The following PSMC1 variants were observed in gnomAD, a reference collection of about 807,000 sequenced individuals.
PSMC1 encodes proteasome 26S subunit, ATPase 1, also known as 26S proteasome regulatory subunit 4.
Under a neutral mutation model 49.8 loss-of-function variants are expected in PSMC1, and 5 were observed. That is an observed-to-expected ratio of 0.10 (90% CI 0.05 to 0.21). PSMC1 has a LOEUF of 0.21. Ranked by LOEUF, PSMC1 falls within the 10% of genes least tolerant of loss-of-function variation. The probability of loss-of-function intolerance (pLI) is 1.00; values close to 1 mark genes in which losing one functional copy is unlikely to be tolerated. For synonymous variants in PSMC1, 155 were observed against 192.1 expected (o/e 0.81, Z 1.60); for missense variants, 181 against 535.7 (o/e 0.34, Z 6.54).
At chr14:90,265,866 G>GAA (rs80221482) in intron 7 of PSMC1, among the ~76,000 whole-genome samples, 309 of 147,550 alleles carry the variant, frequency 2.1e-3, no homozygotes, top group African/African-American at 6.9e-3. Flanking sequence ...CTGAAAAAAA[G>GAA]AAAAAAAAAA....
intron 10 of PSMC1, chr14:90,271,916 TAG>T (rs1891678567): frequency 6.7e-6 from 1 of 148,524 alleles, no homozygotes; most frequent in South Asian, 2.1e-4. Context: ...TTTTTTGAGG[TAG>T]AGTTTCGCTC....
chr14:90,260,880 ACT>A (rs753919437), intron 3 of PSMC1, among the ~76,000 whole-genome samples: 1 of 152,204 alleles, frequency 6.6e-6, no homozygotes, highest in Non-Finnish European at 1.5e-5. Context: ...ACAGAGCAAG[ACT>A]CTGTCTCAAA....
intron 8 of PSMC1, chr14:90,269,142 A>T (rs1891595969): frequency 2.2e-6 from 1 of 448,760 alleles, no homozygotes; most frequent in Non-Finnish European, 4.0e-6. Context: ...TCATGCCTTT[A>T]GCCCTTTCCA....
At chr14:90,268,111 C>A in intron 7 of PSMC1, 113 bp from the exon 8 acceptor site, 1 of 803,188 alleles carries the variant, frequency 1.2e-6, no homozygotes, top group Non-Finnish European at 1.9e-6. Context: ...CATGCCTTAG[C>A]ATGAGGGCCC....
rs1891697435 is a variant in PSMC1, at chr14:90,272,549, T to G, written c.*142T>G. Reference sequence around the variant, plus strand: ...ATCCTGTGTCTTTTGGAGTACGATGTGTAAGTGCCCATTGGGTGGCCTGTT... The same window carrying G: ...ATCCTGTGTCTTTTGGAGTACGATGGGTAAGTGCCCATTGGGTGGCCTGTT... On this transcript the variant is annotated 3_prime_UTR_variant, in exon 11 of 11. Coordinates refer to ENST00000261303, the MANE Select transcript of PSMC1 (RefSeq NM_002802.3). The surrounding 1 kb of genome is among the most constrained non-coding windows in gnomAD (Gnocchi z 4.5). 1.7e-6 allele frequency: 1 copy of G among 595,660 alleles called. No homozygotes were observed. Among genetic ancestry groups the G allele is most frequent in the Non-Finnish European group, 3.0e-6 (1 of 333,450 alleles). The allele number at this position is 595,660 out of a possible 1,614,324, so 36.9% of individuals were successfully genotyped here. A position where few individuals can be genotyped will look rare whatever the true frequency, so the allele number is the denominator to read the frequency against.
chr14:90,260,210 G>A lies in PSMC1; in HGVS notation c.153G>A (p.Leu51=). 1 of 1,599,880 alleles carries A rather than the reference G, an allele frequency of 6.3e-7. No individual in the cohort carries two copies. The highest frequency in any genetic ancestry group is 8.6e-7 in the Non-Finnish European group (1 of 1,169,002). ...KGPDAASKLP[L]VTPHTQCRLK... is the part of the protein sequence containing the mutation. ...CAGATGCTGCCAGCAAACTGCCACT[G>A]GGTAATGACATGGCTTCTCCTTGCC... is the stretch of plus-strand genomic sequence containing the variant. Residue 51 remains leucine, a splice_region_variant and synonymous_variant, in exon 3 of 11, where the codon CTG becomes CTA. Transcript: ENST00000261303.
intron 6 of PSMC1, among the ~76,000 whole-genome samples, chr14:90,264,867 T>C (rs915923714): frequency 1.3e-5 from 2 of 152,192 alleles, no homozygotes; most frequent in African/African-American, 4.8e-5. Flanking sequence ...GTTAGGGAGA[T>C]GGAACGGGTG....
intron 2 of PSMC1, 60 bp downstream of exon 2, chr14:90,259,273 G>A (rs1013175675): frequency 7.2e-6 from 11 of 1,521,958 alleles, no homozygotes; most frequent in East Asian, 6.8e-5. Flanking sequence ...CATGGGTCTC[G>A]GCTGAGAAGT....
In PSMC1 at chr14:90,273,583, A is replaced by T. The variant is rs927631444; in HGVS notation, c.*1176A>T. 6.6e-6 allele frequency: 1 copy of T among 152,182 alleles called. No homozygotes were observed. Among genetic ancestry groups the T allele is most frequent in the African/African-American group, 2.4e-5 (1 of 41,420 alleles). The allele number at this position is 152,182 out of a possible 1,614,324, so 9.4% of individuals were successfully genotyped here. ...AAAAATAAATAAATAAATAAATAAA[A>T]ACCACAATTTTATCTCAGTTCTGTA... On this transcript the variant is annotated 3_prime_UTR_variant, in exon 11 of 11. Coordinates refer to ENST00000261303, the MANE Select transcript of PSMC1 (RefSeq NM_002802.3).
intron 1 of PSMC1, among the ~76,000 whole-genome samples, chr14:90,257,915 G>A (rs1290950366): frequency 6.6e-6 from 1 of 152,144 alleles, no homozygotes; most frequent in East Asian, 1.9e-4. Context: ...ACGGATTTCT[G>A]GGTAGTATTC....
intron 5 of PSMC1, 48 bp downstream of exon 5, chr14:90,263,895 C>G (rs1456463280): frequency 1.6e-5 from 25 of 1,608,326 alleles, no homozygotes; most frequent in Non-Finnish European, 2.1e-5. Context: ...GCTTTCTCTT[C>G]TCACTTAGGT....
chr14:90,273,590 A>G lies in PSMC1; in HGVS notation c.*1183A>G, dbSNP rs929648265. ...AATAAATAAATAAATAAAAACCACA[A>G]TTTTATCTCAGTTCTGTAGGTCAGA... On this transcript the variant is annotated 3_prime_UTR_variant, in exon 11 of 11. Transcript: ENST00000261303. 1.3e-5 allele frequency: 2 copies of G among 152,216 alleles called. No homozygotes were observed. The highest frequency in any genetic ancestry group is 2.9e-5 in the Non-Finnish European group (2 of 68,116). The allele number at this position is 152,216 out of a possible 1,614,324, so 9.4% of individuals were successfully genotyped here.
chr14:90,267,355 A>G (rs895539270), intron 7 of PSMC1: 1 of 152,028 alleles, frequency 6.6e-6, no homozygotes, highest in Non-Finnish European at 1.5e-5. Flanking sequence ...GGGTTTCTCC[A>G]TGTTGGTCAG....
chr14:90,269,378 C>CTT lies in PSMC1; in HGVS notation c.882-19_882-18insTT. On this transcript the variant is annotated intron_variant, in intron 8 of 10. Coordinates refer to ENST00000261303, the MANE Select transcript of PSMC1 (RefSeq NM_002802.3). ...CGATCAGTTGAGTCTTCATTCCTTC[C>CTT]CTTTTTTTTTTTCCAAAGATATGAC... is the stretch of plus-strand genomic sequence containing the variant. The CTT allele has an allele frequency of 1.3e-6, 2 of 1,553,336 alleles. No homozygotes were observed. The highest frequency in any genetic ancestry group is 2.4e-5 in the East Asian group (1 of 41,796).
In PSMC1 at chr14:90,274,786, C is replaced by CCACA. The variant is rs1566677946; in HGVS notation, c.*2379_*2380insCACA. On this transcript the variant is annotated 3_prime_UTR_variant, in exon 11 of 11. Coordinates refer to ENST00000261303, the MANE Select transcript of PSMC1 (RefSeq NM_002802.3). ...ACAGTATAGCCCTTTAAATAGGGAA[C>CCACA]TACACACACACACACACACACACAC... The CCACA allele has an allele frequency of 1.2e-5, 1 of 81,562 alleles. No homozygotes were observed. Among genetic ancestry groups the CCACA allele is most frequent in the African/African-American group, 4.9e-5 (1 of 20,208 alleles). 5.1% of individuals were successfully genotyped at this position (81,562 alleles called of 1,614,324 possible).
At chr14:90,263,641 C>T in intron 4 of PSMC1, 21 bp from the exon 5 acceptor site, 1 of 1,607,892 alleles carries the variant, frequency 6.2e-7, no homozygotes, top group Non-Finnish European at 8.5e-7. Flanking sequence ...TGCTTTTTTC[C>T]CTTGGCATTT....
At chr14:90,264,250 A>G (rs2139646113) in intron 6 of PSMC1, 81 bp downstream of exon 6, 1 of 1,562,046 alleles carries the variant, frequency 6.4e-7, no homozygotes, top group East Asian at 2.3e-5. Context: ...GGTGTTTTGT[A>G]TGTTTGCTTA....
At chr14:90,262,898 C>A (rs1414511918) in intron 3 of PSMC1, among the ~76,000 whole-genome samples, 3 of 152,018 alleles carry the variant, frequency 2.0e-5, no homozygotes, top group East Asian at 3.8e-4. Context: ...GGGTTAATAT[C>A]CCTGATATTT....
rs1363065947 is a variant in PSMC1 at position 90,275,343 on chromosome 14, T to C, written c.*2936T>C. On this transcript the variant is annotated 3_prime_UTR_variant, in exon 11 of 11. Transcript: ENST00000261303. ...GGGCGGGTAGCAGACTCTCAGCAAC[T>C]GACTCACACGGTTCAGGAAACAAAA... 6.6e-6 allele frequency: 1 copy of C among 152,188 alleles called. No homozygotes were observed. Among genetic ancestry groups the C allele is most frequent in the African/African-American group, 2.4e-5 (1 of 41,450 alleles). The allele number at this position is 152,188 out of a possible 1,614,324, so 9.4% of individuals were successfully genotyped here. A position where few individuals can be genotyped will look rare whatever the true frequency, so the allele number is the denominator to read the frequency against.
Sources: gnomAD v4.1 joint callset for allele counts (sites outside exome capture counted in the v4.1 genomes callset) on GRCh38, gnomAD v4.1.1 for gene constraint, Gnocchi (gnomAD v3.1) non-coding constraint, MANE v1.5 for transcripts, NCBI Gene and HGNC (gene_info 2026-07-23, HGNC 2026-07-21) for gene names.